TBC1D19: variants seen among roughly 807,000 people sequenced by gnomAD.
TBC1D19 encodes the protein TBC1 domain family, member 19.
In TBC1D19, 60 loss-of-function variants were observed where a neutral mutation model predicts 89.0. That is an observed-to-expected ratio of 0.67 (90% confidence interval 0.55 to 0.84). TBC1D19 has a LOEUF of 0.84. TBC1D19 is among the 40% of genes least tolerant of loss of function. The pLI, the probability that TBC1D19 is intolerant of heterozygous loss-of-function variation, is 0.00. For missense variants in TBC1D19, 500 were observed against 610.8 expected, an observed-to-expected ratio of 0.82 and a Z score of 1.91; for synonymous variants, 189 against 199.7, an observed-to-expected ratio of 0.95 and a Z score of 0.45.
At chr4:26,623,465 A>G (rs947697419) in intron 4 of TBC1D19, among the ~76,000 whole-genome samples, 2 of 152,132 alleles carry the variant, frequency 1.3e-5, no homozygotes, top group Non-Finnish European at 2.9e-5. Flanking sequence ...ACTCATTTTA[A>G]GCATTTCTCA....
chr4:26,713,116 A>C (rs1485924043), intron 13 of TBC1D19, among the ~76,000 whole-genome samples: 2 of 142,736 alleles, frequency 1.4e-5, no homozygotes, highest in African/African-American at 5.0e-5. Context: ...TTATTGGAAA[A>C]TATTTATTAT....
Position 26,628,892 on chromosome 4 carries a change from C to T in TBC1D19, c.294+8204C>T, listed in dbSNP as rs1034079705. 5.3e-5 allele frequency among the ~76,000 whole-genome samples: 8 copies of T among 152,138 alleles called. No homozygotes were observed. The East Asian group carries it at 1.4e-3, about 26-fold the overall frequency. On this transcript the variant is annotated intron_variant, in intron 4 of 20. Transcript: ENST00000264866. The stretch of plus-strand genomic sequence containing the variant: ...AACAAATGGAAGAACATTCCATGCT[C>T]ATGGGTAGGAAGAATCAATATCATG...
chr4:26,684,829 C>T (rs929147238), intron 12 of TBC1D19, among the ~76,000 whole-genome samples: 10 of 152,156 alleles, frequency 6.6e-5, no homozygotes, highest in Non-Finnish European at 1.3e-4. Flanking sequence ...TGACTGCTTA[C>T]TGTGCCATAT....
the TBC1D19 span, among the ~76,000 whole-genome samples, chr4:26,772,351 A>C: frequency 0.48 from 72,458 of 151,874 alleles, 19,293 homozygotes; most frequent in Admixed American, 0.63. Context: ...TTGCAGTCAC[A>C]GACTCAGGCC....
intron 15 of TBC1D19, among the ~76,000 whole-genome samples, chr4:26,730,804 T>G (rs1717609193): frequency 6.6e-6 from 1 of 152,190 alleles, no homozygotes; most frequent in Non-Finnish European, 1.5e-5. Flanking sequence ...TGGCCACCTC[T>G]CTGTCCTGAG....
At chr4:26,739,780 A>G (rs1560506663) in intron 16 of TBC1D19, 84 bp from the exon 17 acceptor site, 1 of 775,792 alleles carries the variant, frequency 1.3e-6, no homozygotes, top group Non-Finnish European at 1.9e-6. Context: ...ACTATAAAAT[A>G]GTGATTTATT....
chr4:26,632,840 G>A (rs1742884417), intron 4 of TBC1D19, among the ~76,000 whole-genome samples: 1 of 152,116 alleles, frequency 6.6e-6, no homozygotes, highest in African/African-American at 2.4e-5. Context: ...ATTGTCTAAT[G>A]TCAATTTGTT....
Position 26,613,177 on chromosome 4 carries a change from T to C in TBC1D19, c.108T>C (p.Leu36=), listed in dbSNP as rs1031115979. ...SQLERQAWAS[L]QRPEIKLESL... is the part of the protein sequence containing the mutation. Reference sequence around the variant, plus strand: ...ATTATTATTATTCTTAGGCCAGTCTTCAGAGACCTGAGATTAAACTTGAAT... The same window carrying C: ...ATTATTATTATTCTTAGGCCAGTCTCCAGAGACCTGAGATTAAACTTGAAT... The change falls in exon 2 of 21, where the codon CTT becomes CTC. Residue 36 remains leucine, a synonymous_variant. Transcript: ENST00000264866. The C allele has an allele frequency of 1.3e-6, 2 of 1,563,882 alleles. No homozygotes were observed. The highest frequency in any genetic ancestry group is 1.4e-5 in the African/African-American group (1 of 72,886).
intron 13 of TBC1D19, among the ~76,000 whole-genome samples, chr4:26,705,456 G>A (rs2109225503): frequency 6.6e-6 from 1 of 152,160 alleles, no homozygotes; most frequent in South Asian, 2.1e-4. Context: ...TTAATTTTTG[G>A]ATATGGTGTT....
In TBC1D19 at chr4:26,637,217, T is replaced by TG; in HGVS notation, c.304dup (p.Glu102GlyfsTer10). ...ATTGTTTTTTATGTTTCAGGGAAGTTGGGAAAAAAGAATTTTGAAGAGTTT... is the reference window on the plus strand; with the variant it reads ...ATTGTTTTTTATGTTTCAGGGAAGTTGGGGAAAAAAGAATTTTGAAGAGTTT... On this transcript the variant is annotated frameshift_variant, in exon 5 of 21. Transcript: ENST00000264866. LOFTEE classifies it high-confidence loss of function. 1.2e-6 allele frequency: 2 copies of TG among 1,605,320 alleles called. No homozygotes were observed. The highest frequency in any genetic ancestry group is 1.7e-6 in the Non-Finnish European group (2 of 1,175,102).
chr4:26,622,384 T>TA (rs1490705670), intron 4 of TBC1D19, among the ~76,000 whole-genome samples: 1 of 151,832 alleles, frequency 6.6e-6, no homozygotes, highest in African/African-American at 2.4e-5. Flanking sequence ...AAACAAAACA[T>TA]AAATTTTTTT....
the TBC1D19 span, among the ~76,000 whole-genome samples, chr4:26,818,523 T>A: frequency 2.0e-5 from 3 of 152,202 alleles, 1 homozygote; most frequent in Admixed American, 2.0e-4. Flanking sequence ...CCCAAAGTGC[T>A]GGGATTACAG....
intron 8 of TBC1D19, among the ~76,000 whole-genome samples, chr4:26,663,708 G>A (rs191739557): frequency 3.2e-4 from 48 of 152,198 alleles, no homozygotes; most frequent in Middle Eastern, 3.4e-3. Flanking sequence ...GTCATTATGG[G>A]TAGTTGTCCC....
At chr4:26,726,205 A>AGACATT (rs954791787) in intron 15 of TBC1D19, among the ~76,000 whole-genome samples, 2 of 151,416 alleles carry the variant, frequency 1.3e-5, no homozygotes, top group African/African-American at 4.9e-5. Context: ...CAATGTCTGA[A>AGACATT]GACATTTTTG....
At chr4:26,742,893 C>A (rs1055125978) in intron 18 of TBC1D19, among the ~76,000 whole-genome samples, 3 of 152,074 alleles carry the variant, frequency 2.0e-5, no homozygotes, top group African/African-American at 7.2e-5. Flanking sequence ...AAAACTGAAG[C>A]AAACATTTGT....
intron 4 of TBC1D19, among the ~76,000 whole-genome samples, chr4:26,624,735 TAGAAGATTCTATGCTGC>T: frequency 6.6e-6 from 1 of 152,272 alleles, no homozygotes; most frequent in East Asian, 1.9e-4. Flanking sequence ...ACCTACTCAG[TAGAAGATTCTATGCTGC>T]AGAAATTCAG....
the TBC1D19 span, among the ~76,000 whole-genome samples, chr4:26,832,358 T>C: frequency 6.6e-6 from 1 of 152,316 alleles, no homozygotes; most frequent in Admixed American, 6.5e-5. Context: ...ACTCTGGCAT[T>C]GCAAACACAT....
intron 9 of TBC1D19, among the ~76,000 whole-genome samples, chr4:26,670,306 A>G (rs1712184772): frequency 6.6e-6 from 1 of 151,320 alleles, no homozygotes. Context: ...CTGTTCAACT[A>G]ATTACTTCAG....
rs1370729334 is a variant in TBC1D19, at chr4:26,688,552, A to T, written c.954+145A>T. The T allele has an allele frequency of 5.1e-6, 6 of 1,186,456 alleles. No homozygotes were observed. In the East Asian group the frequency reaches 2.1e-4, roughly 42 times the overall value. The allele number at this position is 1,186,456 out of a possible 1,614,324, so 73.5% of individuals were successfully genotyped here. On this transcript the variant is annotated intron_variant, in intron 13 of 20. Transcript: ENST00000264866. ...TGAAATGTTCTAAGTTTGGGATAAG[A>T]TTACCTTTTGTTTTTACTGTGAAAT...
Sources: gnomAD v4.1 joint callset for allele counts (sites outside exome capture counted in the v4.1 genomes callset) on GRCh38, gnomAD v4.1.1 for gene constraint, MANE v1.5 for transcripts, NCBI Gene and HGNC (gene_info 2026-07-23, HGNC 2026-07-21) for gene names.